KIFC3: variants seen among roughly 807,000 people sequenced by gnomAD.
KIFC3 encodes the protein kinesin family member C3.
In KIFC3, 60 loss-of-function variants were observed where a neutral mutation model predicts 101.8. That is an observed-to-expected ratio of 0.59 (90% confidence interval 0.48 to 0.73). The LOEUF is 0.73. KIFC3 is among the 30% of genes least tolerant of loss of function. The probability of loss-of-function intolerance (pLI) is 0.00; values close to 1 mark genes in which losing one functional copy is unlikely to be tolerated. For synonymous variants in KIFC3, 476 were observed against 482.7 expected (o/e 0.99, Z 0.18); for missense variants, 966 against 1,137.1 (o/e 0.85, Z 2.16).
chr16:57,803,392 G>A (rs1464181626), upstream of KIFC3: 2 of 548,696 alleles, frequency 3.6e-6, no homozygotes, highest in African/African-American at 3.7e-5. Flanking sequence ...CCACACCCCC[G>A]GGTGCGGAAG....
At chr16:57,772,800 G>T (rs1460273241) in intron 3 of KIFC3, among the ~76,000 whole-genome samples, 2 of 152,166 alleles carry the variant, frequency 1.3e-5, no homozygotes, top group East Asian at 3.9e-4. Flanking sequence ...GTGGAGATGG[G>T]TCTGCCAGTG....
At chr16:57,832,085 A>G (rs2149296404) in intron 1 of KIFC3, among the ~76,000 whole-genome samples, 1 of 152,216 alleles carries the variant, frequency 6.6e-6, no homozygotes, top group East Asian at 1.9e-4. Context: ...CAGTGGCGCA[A>G]TCTTGGCTCA....
chr16:57,772,379 G>A, intron 3 of KIFC3, 91 bp from the exon 4 acceptor site: 2 of 1,070,556 alleles, frequency 1.9e-6, no homozygotes, highest in East Asian at 4.8e-5. Context: ...GATGACTGAT[G>A]TGGCTGTGGC....
Position 57,760,875 on chromosome 16 carries a change from G to A in KIFC3, c.2083C>T (p.Gln695Ter). 1 of 1,612,000 alleles carries A rather than the reference G, an allele frequency of 6.2e-7. No homozygotes were observed. The highest frequency in any genetic ancestry group is 8.5e-7 in the Non-Finnish European group (1 of 1,179,860). ...GCCGACAGCGACTTGTTGATGTGCT[G>A]CGCCTCCCGCAGGCGGCTGCCCTCG... ...GAEGSRLREA[Q>*]HINKSLSALG... is the part of the protein sequence containing the mutation. Residue 695 changes from glutamine (Q) to a stop codon, truncating the protein, a stop_gained, in exon 16 of 20, where the codon CAG becomes TAG. Coordinates refer to ENST00000445690, the MANE Select transcript of KIFC3 (RefSeq NM_001130100.2). LOFTEE classifies it high-confidence loss of function.
chr16:57,851,570 C>CTTTT (rs11376679), intron 1 of KIFC3, among the ~76,000 whole-genome samples: 1 of 144,112 alleles, frequency 6.9e-6, no homozygotes, highest in Non-Finnish European at 1.5e-5. Flanking sequence ...TTCGTTCATT[C>CTTTT]TTTTTTTTTT....
chr16:57,768,012 T>G (rs1395169631), intron 9 of KIFC3, among the ~76,000 whole-genome samples: 1 of 152,026 alleles, frequency 6.6e-6, no homozygotes, highest in African/African-American at 2.4e-5. Context: ...AGGTTACTTA[T>G]AATATCTAAT....
intron 1 of KIFC3, chr16:57,813,769 A>G (rs2055150730): frequency 2.0e-6 from 2 of 985,304 alleles, no homozygotes; most frequent in Non-Finnish European, 1.2e-6. Flanking sequence ...ACGTGCCTTC[A>G]GAGGGAAGAG....
At chr16:57,850,532 G>C (rs1033472002) in intron 1 of KIFC3, among the ~76,000 whole-genome samples, 3 of 120,202 alleles carry the variant, frequency 2.5e-5, no homozygotes, top group Non-Finnish European at 4.8e-5. Context: ...CTGGAATGAA[G>C]TGGCCCTATC....
chr16:57,836,056 G>T (rs2055679299), intron 1 of KIFC3, among the ~76,000 whole-genome samples: 1 of 152,020 alleles, frequency 6.6e-6, no homozygotes, highest in African/African-American at 2.4e-5. Flanking sequence ...CCAGTCGCCA[G>T]CCTGAAGCTG....
Position 57,770,567 on chromosome 16 carries a change from A to C in KIFC3, c.899T>G (p.Leu300Arg). 2.0e-6 allele frequency: 3 copies of C among 1,504,918 alleles called. No homozygotes were observed. In the South Asian group the frequency reaches 3.8e-5, roughly 19 times the overall value. The allele number at this position is 1,504,918 out of a possible 1,614,324, so 93.2% of individuals were successfully genotyped here. A position where few individuals can be genotyped will look rare whatever the true frequency, so the allele number is the denominator to read the frequency against. ...CGCGGTCAGCTGGTGTGAGCTCTGC[A>C]GCTGCTGTTCCATCTCCTTCAGCAC... The part of the protein sequence containing the change: ...RQVLKEMEQQ[L>R]QSSHQLTARL... The change falls in exon 7 of 20, where the codon CTG (leucine) becomes CGG (arginine). Residue 300 changes from leucine to arginine, a missense_variant. By Grantham distance (102) the Leu-to-Arg change is moderately radical. This residue lies in a region of KIFC3 where 689 missense variants were observed against 884.6 expected (regional missense o/e 0.78). Transcript: ENST00000445690.
At chr16:57,794,229 T>C (rs544274516) in intron 3 of KIFC3, among the ~76,000 whole-genome samples, 1 of 149,942 alleles carries the variant, frequency 6.7e-6, no homozygotes, top group East Asian at 1.9e-4. Flanking sequence ...GTTTATCTTT[T>C]TTCTTTTCTT....
chr16:57,860,648 G>A (rs1216934688), intron 1 of KIFC3, among the ~76,000 whole-genome samples: 1 of 152,110 alleles, frequency 6.6e-6, no homozygotes. Context: ...TAGTTTGTTA[G>A]AGACTATTAC....
chr16:57,776,885 T>G (rs1190519486), intron 3 of KIFC3: 1 of 152,238 alleles, frequency 6.6e-6, no homozygotes, highest in African/African-American at 2.4e-5. Context: ...TGCCACATCT[T>G]CCAATATTTT....
intron 1 of KIFC3, among the ~76,000 whole-genome samples, chr16:57,817,216 G>A (rs1415827816): frequency 6.6e-6 from 1 of 152,066 alleles, no homozygotes; most frequent in African/African-American, 2.4e-5. Flanking sequence ...GAAATTAGCC[G>A]GGCATGGTGG....
At chr16:57,805,605 C>G (rs143260314), upstream of KIFC3, among the ~76,000 whole-genome samples, 256 of 151,438 alleles carry the variant, frequency 1.7e-3, 2 homozygotes, top group African/African-American at 6.1e-3. Flanking sequence ...CATCCCCAGG[C>G]AGGGACTAGC....
chr16:57,812,061 T>G (rs2055094936), intron 1 of KIFC3, among the ~76,000 whole-genome samples: 1 of 147,900 alleles, frequency 6.8e-6, no homozygotes, highest in African/African-American at 2.5e-5. Flanking sequence ...TTTTTTTTTT[T>G]GAGACGGAGT....
At position 57,772,288 on chromosome 16, in the gene KIFC3, C is replaced by T; in HGVS notation, c.316G>A (p.Val106Ile). 1 of 1,613,710 alleles carries T rather than the reference C, an allele frequency of 6.2e-7. No individual in the cohort carries two copies. Among genetic ancestry groups the T allele is most frequent in the Non-Finnish European group, 8.5e-7 (1 of 1,179,746 alleles). Residue 106 changes from valine (V) to isoleucine (I), a missense_variant and splice_region_variant, in exon 4 of 20, where the codon GTA becomes ATA. Physicochemically the swap from Val to Ile is conservative, Grantham distance 29. Transcript: ENST00000445690. Reference sequence around the variant, plus strand: ...ATGAGCTTCTCCTTCAGGTGTTCTACCTGTGGGCACAGAGTCAGGAGCAAG... The same window carrying T: ...ATGAGCTTCTCCTTCAGGTGTTCTATCTGTGGGCACAGAGTCAGGAGCAAG... ...SPHGLYLTLQ[V>I]EHLKEKLISQ...
chr16:57,781,809 A>C (rs540501062), intron 3 of KIFC3: 1 of 348,994 alleles, frequency 2.9e-6, no homozygotes, highest in African/African-American at 2.2e-5. Flanking sequence ...CTGAGCTCCT[A>C]AGAGGTTAAG....
intron 10 of KIFC3, 120 bp from the exon 11 acceptor site, chr16:57,765,760 C>G (rs1483719307): frequency 2.3e-6 from 2 of 878,306 alleles, no homozygotes; most frequent in Non-Finnish European, 3.4e-6. Flanking sequence ...TTAAGCACAG[C>G]CCCCTAGGGG....
Sources: gnomAD v4.1 joint callset for allele counts (sites outside exome capture counted in the v4.1 genomes callset) on GRCh38, gnomAD v4.1.1 for gene constraint, gnomAD v4.1.1 regional missense constraint, MANE v1.5 for transcripts, NCBI Gene and HGNC (gene_info 2026-07-23, HGNC 2026-07-21) for gene names.